The following RAB39B variants were observed in gnomAD, a reference collection of about 807,000 sequenced individuals.
RAB39B encodes the protein ras-related protein Rab-39B.
For synonymous variants in RAB39B, 63 were observed against 67.5 expected, an observed-to-expected ratio of 0.93 and a Z score of 0.33; for missense variants, 68 against 171.3, an observed-to-expected ratio of 0.40 and a Z score of 3.37.
chrX:155,263,432 T>C (rs1204937692), intron 1 of RAB39B, among the ~76,000 whole-genome samples: 1 of 112,399 alleles, frequency 8.9e-6, no homozygotes, highest in Non-Finnish European at 1.9e-5. Context: ...CTTTCGTAAT[T>C]GCTGATTATC....
chrX:155,260,487 T>C lies in RAB39B; in HGVS notation c.*316A>G, dbSNP rs1267839823. 3.1e-6 allele frequency: 1 copy of C among 322,667 alleles called. No individual in the cohort carries two copies. The highest frequency in any genetic ancestry group is 5.5e-6 in the Non-Finnish European group (1 of 181,673). The allele number at this position is 322,667 out of a possible 1,213,427, so 26.6% of individuals were successfully genotyped here. On this transcript the variant is annotated 3_prime_UTR_variant, in exon 2 of 2. Coordinates refer to ENST00000369454, the MANE Select transcript of RAB39B (RefSeq NM_171998.4). ...GGAACAGTTGTCCTGTCTGTAGGTA[T>C]GTTTTCCTGGGACTTAGCTTCCTAA...
rs190599808 is a variant in RAB39B, at chrX:155,259,245, T to C, written c.*1558A>G. The C allele has an allele frequency of 9.0e-6, 1 of 111,104 alleles. No individual in the cohort carries two copies. The highest frequency in any genetic ancestry group is 1.9e-5 in the Non-Finnish European group (1 of 52,996). 9.2% of individuals were successfully genotyped at this position (111,104 alleles called of 1,213,427 possible). A position where few individuals can be genotyped will look rare whatever the true frequency, so the allele number is the denominator to read the frequency against. On this transcript the variant is annotated 3_prime_UTR_variant, in exon 2 of 2. Coordinates refer to ENST00000369454, the MANE Select transcript of RAB39B (RefSeq NM_171998.4). The stretch of plus-strand genomic sequence containing the variant: ...GCTGAACTGGCTACAATCCAAAAAG[T>C]AATTTAAAGCATCACCTCTCTTCAA...
In RAB39B at chrX:155,260,458, C is replaced by T. The variant is rs1357772110; in HGVS notation, c.*345G>A. ...CATGGCCTATAAGTGAGCTCAAATA[C>T]CAAGGAACAGTTGTCCTGTCTGTAG... On this transcript the variant is annotated 3_prime_UTR_variant, in exon 2 of 2. Transcript: ENST00000369454. 1.9e-5 allele frequency: 5 copies of T among 263,405 alleles called. No individual in the cohort carries two copies. The highest frequency in any genetic ancestry group is 3.4e-5 in the Non-Finnish European group (5 of 145,631). 21.7% of individuals were successfully genotyped at this position (263,405 alleles called of 1,213,427 possible).
Position 155,264,406 on chromosome X carries a change from G to A in RAB39B, c.-118C>T. The A allele has an allele frequency of 1.5e-6, 1 of 685,595 alleles. No homozygotes were observed. The highest frequency in any genetic ancestry group is 2.2e-6 in the Non-Finnish European group (1 of 446,663). The allele number at this position is 685,595 out of a possible 1,213,427, so 56.5% of individuals were successfully genotyped here. On this transcript the variant is annotated 5_prime_UTR_variant, in exon 1 of 2. Transcript: ENST00000369454. ...TAGCTCAGCCGCGAGCGCATCGCTGGCCTGGGAGCCCGAAGCTGGGTAGGC... is the reference window on the plus strand; with the variant it reads ...TAGCTCAGCCGCGAGCGCATCGCTGACCTGGGAGCCCGAAGCTGGGTAGGC...
At position 155,264,466 on chromosome X, in the gene RAB39B, G is replaced by A; in HGVS notation, c.-178C>T. The A allele has an allele frequency of 2.2e-6, 1 of 449,245 alleles. No homozygotes were observed. The highest frequency in any genetic ancestry group is 3.9e-6 in the Non-Finnish European group (1 of 257,895). The allele number at this position is 449,245 out of a possible 1,213,427, so 37.0% of individuals were successfully genotyped here. A position where few individuals can be genotyped will look rare whatever the true frequency, so the allele number is the denominator to read the frequency against. ...GGGAGAGCGGAGGGATGGATGCTGC[G>A]CTCGCAAAGGTGATGAAATGGCAGC... On this transcript the variant is annotated 5_prime_UTR_variant, in exon 1 of 2. Transcript: ENST00000369454.
intron 1 of RAB39B, 50 bp downstream of exon 1, chrX:155,264,024 C>T: frequency 8.9e-7 from 1 of 1,125,307 alleles, no homozygotes; most frequent in Non-Finnish European, 1.2e-6. Context: ...AGAGGCGGTG[C>T]AAACCCCGAA....
rs1261403011 is a variant in RAB39B, at chrX:155,259,996, CAAGCAG to C, written c.*801_*806del. ...TGTCACTGTCACGTGCCTGAAGAAG[CAAGCAG>C]ACTGTTTACTTCCAGATTGCAGGTG... On this transcript the variant is annotated 3_prime_UTR_variant, in exon 2 of 2. Transcript: ENST00000369454. 25 of 112,198 alleles carry C rather than the reference CAAGCAG, an allele frequency of 2.2e-4. No homozygotes were observed. The highest frequency in any genetic ancestry group is 7.4e-4 in the African/African-American group (23 of 30,896). The allele number at this position is 112,198 out of a possible 1,213,427, so 9.2% of individuals were successfully genotyped here.
At chrX:155,263,815 T>C (rs1214908890) in intron 1 of RAB39B, among the ~76,000 whole-genome samples, 1 of 112,109 alleles carries the variant, frequency 8.9e-6, no homozygotes, top group African/African-American at 3.2e-5. Context: ...CAATTCCAGC[T>C]AGTTTGTTAG....
chrX:155,262,203 T>G (rs782764439), intron 1 of RAB39B, among the ~76,000 whole-genome samples: 2 of 112,339 alleles, frequency 1.8e-5, no homozygotes, highest in Non-Finnish European at 3.8e-5. Context: ...TGTCTATTTT[T>G]AGGTTTTCTG....
Position 155,258,622 on chromosome X carries a change from C to T in RAB39B, c.*2181G>A, listed in dbSNP as rs895269856. 6.2e-5 allele frequency: 7 copies of T among 112,409 alleles called. No homozygotes were observed. Among genetic ancestry groups the T allele is most frequent in the African/African-American group, 2.3e-4 (7 of 31,002 alleles). The allele number at this position is 112,409 out of a possible 1,213,427, so 9.3% of individuals were successfully genotyped here. On this transcript the variant is annotated 3_prime_UTR_variant, in exon 2 of 2. Coordinates refer to ENST00000369454, the MANE Select transcript of RAB39B (RefSeq NM_171998.4). ...CTCAGCCACCTCTGCTGGATTTATGCTGAATATTTTTAAACCTGCCAGAAA... is the reference window on the plus strand; with the variant it reads ...CTCAGCCACCTCTGCTGGATTTATGTTGAATATTTTTAAACCTGCCAGAAA...
Position 155,262,179 on chromosome X carries a change from A to AT in RAB39B, c.216-951dup, listed in dbSNP as rs1191720648. ...CAGTCACTTGCTTTAGACTACTGTG[A>AT]TTTTTTTTACCTATGTCTATTTTTA... On this transcript the variant is annotated intron_variant, in intron 1 of 1. Transcript: ENST00000369454. 2.7e-5 allele frequency among the ~76,000 whole-genome samples: 3 copies of AT among 111,843 alleles called. No individual in the cohort carries two copies. The Admixed American group carries it at 2.8e-4, about 11-fold the overall frequency.
At position 155,263,943 on chromosome X, in the gene RAB39B, C is replaced by G. The variant is rs146852646; in HGVS notation, c.215+131G>C. ...CTCCGGGTTAGCCGAAGGTGGGCTT[C>G]GGCAGAATCCTCAAGACCCTTGGTG... On this transcript the variant is annotated intron_variant, in intron 1 of 1. Transcript: ENST00000369454. 1.0e-3 allele frequency: 655 copies of G among 630,878 alleles called. 3 individuals carry two copies. In the African/African-American group the frequency reaches 0.012, roughly 12 times the overall value. The allele number at this position is 630,878 out of a possible 1,213,427, so 52.0% of individuals were successfully genotyped here.
Position 155,260,983 on chromosome X carries a change from G to T in RAB39B, c.462C>A (p.Ala154=), listed in dbSNP as rs1557314210. 4 of 1,211,426 alleles carry T rather than the reference G, an allele frequency of 3.3e-6. No homozygotes were observed. Among genetic ancestry groups the T allele is most frequent in the African/African-American group, 1.7e-5 (1 of 57,695 alleles). Reference sequence around the variant, plus strand: ...CTTTCTCCACATTAATGGCATCTCGGGCTGACGTTTCAATGTACTTCATGC... The same window carrying T: ...CTTTCTCCACATTAATGGCATCTCGTGCTGACGTTTCAATGTACTTCATGC... ...AYGMKYIETS[A]RDAINVEKAF... The change falls in exon 2 of 2, where the codon GCC becomes GCA. Residue 154 remains alanine (A), a synonymous_variant. Coordinates refer to ENST00000369454, the MANE Select transcript of RAB39B (RefSeq NM_171998.4).
chrX:155,260,773 G>C lies in RAB39B; in HGVS notation c.*30C>G. The stretch of plus-strand genomic sequence containing the variant: ...TTCTCTTACTTTTCAGTTCAAGTAG[G>C]AGAGCATGTTTTGGAAATAAAAGAA... On this transcript the variant is annotated 3_prime_UTR_variant, in exon 2 of 2. Coordinates refer to ENST00000369454, the MANE Select transcript of RAB39B (RefSeq NM_171998.4). 1 of 1,175,372 alleles carries C rather than the reference G, an allele frequency of 8.5e-7. No homozygotes were observed. Among genetic ancestry groups the C allele is most frequent in the Non-Finnish European group, 1.2e-6 (1 of 862,277 alleles).
chrX:155,264,125 C>A lies in RAB39B; in HGVS notation c.164G>T (p.Gly55Val). The stretch of plus-strand genomic sequence containing the variant: ...CCAGATCTGGAGCTTGATGCGTTTT[C>A]CTGGCTCGATCTCCACCAAGCGGGA... ...FFSRLVEIEP[G>V]KRIKLQIWDT... Residue 55 changes from glycine (G) to valine (V), a missense_variant, in exon 1 of 2, where the codon GGA becomes GTA. Transcript: ENST00000369454. 1 of 1,211,434 alleles carries A rather than the reference C, an allele frequency of 8.3e-7. No individual in the cohort carries two copies. Among genetic ancestry groups the A allele is most frequent in the Non-Finnish European group, 1.1e-6 (1 of 895,329 alleles).
chrX:155,261,366 A>G (rs2074853205), intron 1 of RAB39B, 137 bp from the exon 2 acceptor site: 1 of 521,033 alleles, frequency 1.9e-6, no homozygotes, highest in Non-Finnish European at 3.2e-6. Flanking sequence ...TTAAAAAAAC[A>G]AAGGAATACA....
chrX:155,263,810 C>G (rs1265721176), intron 1 of RAB39B, among the ~76,000 whole-genome samples: 1 of 112,044 alleles, frequency 8.9e-6, no homozygotes, highest in Non-Finnish European at 1.9e-5. Flanking sequence ...GAGATCAATT[C>G]CAGCTAGTTT....
At chrX:155,262,662 G>A (rs1311379023) in intron 1 of RAB39B, among the ~76,000 whole-genome samples, 1 of 112,042 alleles carries the variant, frequency 8.9e-6, no homozygotes, top group South Asian at 3.7e-4. Context: ...CTTAAATAAT[G>A]TGAAAAGACA....
At position 155,259,512 on chromosome X, in the gene RAB39B, A is replaced by G. The variant is rs1312720611; in HGVS notation, c.*1291T>C. On this transcript the variant is annotated 3_prime_UTR_variant, in exon 2 of 2. Coordinates refer to ENST00000369454, the MANE Select transcript of RAB39B (RefSeq NM_171998.4). ...TCAGTGATAAGAACACTTATAGCCC[A>G]CACAGTTCTAATGTCTTTTTAGTTG... is the stretch of plus-strand genomic sequence containing the variant. 1 of 111,962 alleles carries G rather than the reference A, an allele frequency of 8.9e-6. No individual in the cohort carries two copies. Among genetic ancestry groups the G allele is most frequent in the East Asian group, 2.8e-4 (1 of 3,586 alleles). The allele number at this position is 111,962 out of a possible 1,213,427, so 9.2% of individuals were successfully genotyped here. A position where few individuals can be genotyped will look rare whatever the true frequency, so the allele number is the denominator to read the frequency against.
Sources: allele counts gnomAD v4.1 joint callset (sites outside exome capture counted in the v4.1 genomes callset), GRCh38; gene constraint gnomAD v4.1.1; transcripts MANE v1.5; gene names NCBI Gene and HGNC (gene_info 2026-07-23, HGNC 2026-07-21).